The following MLH3 variants were observed in gnomAD, a reference collection of about 807,000 sequenced individuals.
MLH3 encodes the protein mutL homolog 3, also known as DNA mismatch repair protein Mlh3.
MLH3 carries 82 observed loss-of-function variants against 122.2 expected under a neutral mutation model. The observed-to-expected ratio is 0.67, with a 90% CI of 0.56 to 0.81. MLH3 has a LOEUF of 0.81. MLH3 is among the 30% of genes least tolerant of loss of function. The pLI, the probability that MLH3 is intolerant of heterozygous loss-of-function variation, is 0.00. For missense variants in MLH3, 1,539 were observed against 1,714.5 expected (o/e 0.90, Z 1.81); for synonymous variants, 524 against 599.5 (o/e 0.87, Z 1.84).
rs188956387 is a variant in MLH3 at position 75,018,801 on chromosome 14, C to T, written c.4242+28G>A. 3.7e-6 allele frequency: 6 copies of T among 1,612,700 alleles called. No homozygotes were observed. In the East Asian group the frequency reaches 1.3e-4, roughly 36 times the overall value. On this transcript the variant is annotated intron_variant, in intron 12 of 12. Transcript: ENST00000355774. ...AGAAAGAGAAAATAAACTTTGCTCC[C>T]TCCTGCTCCTGTTAGTCATTAATGT...
Position 75,014,765 on chromosome 14 carries a change from T to C in MLH3, c.*2317A>G, listed in dbSNP as rs1417517785. On this transcript the variant is annotated 3_prime_UTR_variant, in exon 13 of 13. Coordinates refer to ENST00000355774, the MANE Select transcript of MLH3 (RefSeq NM_001040108.2). ...TTCAGCGACCAGAATCTAATAAAGG[T>C]GAATCACCAAGTTTATAAATGAATG... 2 of 191,588 alleles carry C rather than the reference T, an allele frequency of 1.0e-5. No homozygotes were observed. The highest frequency in any genetic ancestry group is 4.6e-5 in the African/African-American group (2 of 43,050). The allele number at this position is 191,588 out of a possible 1,614,324, so 11.9% of individuals were successfully genotyped here.
rs1891182000 is a variant in MLH3 at position 75,033,431 on chromosome 14, G to A, written c.3703C>T (p.Gln1235Ter). The A allele has an allele frequency of 6.2e-7, 1 of 1,613,928 alleles. No individual in the cohort carries two copies. Among genetic ancestry groups the A allele is most frequent in the African/African-American group, 1.3e-5 (1 of 74,890 alleles). The change falls in exon 7 of 13, where the codon CAG (glutamine) becomes TAG (stop). Residue 1235 changes from glutamine (Q) to a stop codon, truncating the protein, a stop_gained. Transcript: ENST00000355774. LOFTEE classifies it high-confidence loss of function. ...HAAHERIRLE[Q>*]LIIDSYEKQQ... The stretch of plus-strand genomic sequence containing the variant: ...AACAGATCCTTACCAATGATAAGCT[G>A]CTCCAGACGTATACGCTCATGGGCA...
intron 2 of MLH3, among the ~76,000 whole-genome samples, chr14:75,044,287 A>G (rs1892068947): frequency 6.6e-6 from 1 of 152,188 alleles, no homozygotes; most frequent in African/African-American, 2.4e-5. Context: ...TGACCCTCAA[A>G]AGTTCATAAA....
chr14:75,024,984 G>A (rs917388177), intron 9 of MLH3, among the ~76,000 whole-genome samples: 17 of 152,184 alleles, frequency 1.1e-4, no homozygotes, highest in African/African-American at 4.1e-4. Context: ...TGGAAGCAGA[G>A]CAAATCTTTG....
Position 75,049,145 on chromosome 14 carries a change from C to A in MLH3, c.511G>T (p.Val171Phe), listed in dbSNP as rs2139604418. 6.2e-7 allele frequency: 1 copy of A among 1,614,160 alleles called. No homozygotes were observed. Among genetic ancestry groups the A allele is most frequent in the Non-Finnish European group, 8.5e-7 (1 of 1,180,010 alleles). ...CMDPRLEFEK[V>F]RQRIEALSLM... Reference sequence around the variant, plus strand: ...GAGAGAGCTTCTATTCTCTGCCTAACCTTCTCAAACTCCAGTCTAGGGTCC... The same window carrying A: ...GAGAGAGCTTCTATTCTCTGCCTAAACTTCTCAAACTCCAGTCTAGGGTCC... The change falls in exon 2 of 13, where the codon GTT (valine) becomes TTT (phenylalanine). Residue 171 changes from valine (V) to phenylalanine (F), a missense_variant. Physicochemically the swap from Val to Phe is conservative, Grantham distance 50. Coordinates refer to ENST00000355774, the MANE Select transcript of MLH3 (RefSeq NM_001040108.2).
At chr14:75,038,258 T>C in intron 6 of MLH3, 82 bp downstream of exon 6, 3 of 961,594 alleles carry the variant, frequency 3.1e-6, no homozygotes, top group East Asian at 2.5e-5. Flanking sequence ...ATTGAAACTA[T>C]ATTATATACC....
rs191103553 is a variant in MLH3 at position 75,020,441 on chromosome 14, C to A, written c.4091-1461G>T. On this transcript the variant is annotated intron_variant, in intron 11 of 12. Coordinates refer to ENST00000355774, the MANE Select transcript of MLH3 (RefSeq NM_001040108.2). ...TGAAGAACTAAGTAAGAGAGCTCAA[C>A]AGTGGCAAAAATGAGGGAGGAGCCA... 3.3e-5 allele frequency among the ~76,000 whole-genome samples: 5 copies of A among 152,200 alleles called. No individual in the cohort carries two copies. In the East Asian group the frequency reaches 5.8e-4, roughly 18 times the overall value.
At chr14:75,034,349 C>G (rs1891248178) in intron 6 of MLH3, among the ~76,000 whole-genome samples, 1 of 152,142 alleles carries the variant, frequency 6.6e-6, no homozygotes. Context: ...CCTTGGTGTA[C>G]AAGCTACTTG....
In MLH3 at chr14:75,046,980, C is replaced by G. The variant is rs755592568; in HGVS notation, c.2676G>C (p.Met892Ile). The change falls in exon 2 of 13, where the codon ATG becomes ATC. Residue 892 changes from methionine (M) to isoleucine (I), a missense_variant. Physicochemically the swap from Met to Ile is conservative, Grantham distance 10. Transcript: ENST00000355774. ...GSERETQTMG[M>I]MSRFNELPNS... ...TTGGAAGTTCATTAAAACGACTCAT[C>G]ATCCCCATTGTTTGAGTTTCTCTTT... is the stretch of plus-strand genomic sequence containing the variant. 2 of 1,614,206 alleles carry G rather than the reference C, an allele frequency of 1.2e-6. No homozygotes were observed. The highest frequency in any genetic ancestry group is 1.7e-5 in the Admixed American group (1 of 60,026).
At chr14:75,038,466 T>A (rs1208046016) in intron 5 of MLH3, 54 bp from the exon 6 acceptor site, 5 of 1,109,842 alleles carry the variant, frequency 4.5e-6, no homozygotes, top group Non-Finnish European at 6.9e-6. Context: ...AACAAAGGCT[T>A]ATTTGCATAG....
At position 75,033,446 on chromosome 14, in the gene MLH3, G is replaced by A. The variant is rs746431837; in HGVS notation, c.3688C>T (p.Arg1230Cys). The stretch of plus-strand genomic sequence containing the variant: ...ATGATAAGCTGCTCCAGACGTATAC[G>A]CTCATGGGCAGCGTGCTGATCCACC... The part of the protein sequence containing the change: ...VLVDQHAAHE[R>C]IRLEQLIIDS... Residue 1230 changes from arginine to cysteine, a missense_variant, in exon 7 of 13, where the codon CGT becomes TGT. Transcript: ENST00000355774. The A allele has an allele frequency of 1.2e-5, 20 of 1,613,918 alleles. No individual in the cohort carries two copies. The highest frequency in any genetic ancestry group is 4.5e-5 in the East Asian group (2 of 44,896).
rs778936478 is a variant in MLH3 at position 75,047,175 on chromosome 14, T to A, written c.2481A>T (p.Ser827=). The part of the protein sequence containing the change: ...SCQPASHILN[S]EKFPFSKDED... The stretch of plus-strand genomic sequence containing the variant: ...CATCCTTGGAGAATGGAAACTTCTC[T>A]GAGTTAAGGATGTGGCTTGCTGGTT... Residue 827 remains serine (S), a synonymous_variant, in exon 2 of 13, where the codon TCA becomes TCT. Coordinates refer to ENST00000355774, the MANE Select transcript of MLH3 (RefSeq NM_001040108.2). 1 of 1,614,176 alleles carries A rather than the reference T, an allele frequency of 6.2e-7. No homozygotes were observed. The highest frequency in any genetic ancestry group is 1.1e-5 in the South Asian group (1 of 91,080).
intron 5 of MLH3, 23 bp downstream of exon 5, chr14:75,039,888 A>ATATAT: frequency 1.6e-6 from 1 of 624,704 alleles, no homozygotes. Context: ...TATATTTATG[A>ATATAT]GATTTTGAAG....
rs188776582 is a variant in MLH3, at chr14:75,019,217, C to T, written c.4091-237G>A. 3 of 468,218 alleles carry T rather than the reference C, an allele frequency of 6.4e-6. No individual in the cohort carries two copies. In the Admixed American group the frequency reaches 1.0e-4, roughly 16 times the overall value. 29.0% of individuals were successfully genotyped at this position (468,218 alleles called of 1,614,324 possible). On this transcript the variant is annotated intron_variant, in intron 11 of 12. Transcript: ENST00000355774. ...ATGAGGTCAGGAGTTCAAGACCAGC[C>T]TGGCCAATATGGTGAAATCCCGCCT...
At chr14:75,017,656 A>G (rs1277660518) in intron 12 of MLH3, among the ~76,000 whole-genome samples, 1 of 152,216 alleles carries the variant, frequency 6.6e-6, no homozygotes, top group East Asian at 1.9e-4. Context: ...TGTTTTAAGG[A>G]TCCAAGGGGA....
chr14:75,047,932 T>C lies in MLH3; in HGVS notation c.1724A>G (p.His575Arg), dbSNP rs141572255. Residue 575 changes from histidine (H) to arginine (R), a missense_variant, in exon 2 of 13, where the codon CAT becomes CGT. Physicochemically the swap from His to Arg is conservative, Grantham distance 29. Coordinates refer to ENST00000355774, the MANE Select transcript of MLH3 (RefSeq NM_001040108.2). ...LPFATTLWGV[H>R]SAQTEKEKKK... ...TTTCTCTTTCTCTGTCTGAGCACTA[T>C]GTACTCCCCATAATGTTGTTGCAAA... 3.3e-5 allele frequency: 53 copies of C among 1,614,038 alleles called. No homozygotes were observed. The highest frequency in any genetic ancestry group is 8.3e-5 in the Admixed American group (5 of 59,996).
chr14:75,050,825 C>CA (rs1892605816), intron 1 of MLH3: 1 of 152,100 alleles, frequency 6.6e-6, no homozygotes. Flanking sequence ...AACACAAAAA[C>CA]AAAAAACAAA....
intron 2 of MLH3, among the ~76,000 whole-genome samples, chr14:75,045,415 T>C (rs1014167138): frequency 1.3e-5 from 2 of 152,220 alleles, no homozygotes; most frequent in African/African-American, 4.8e-5. Flanking sequence ...CCATATGCAT[T>C]ATAATAAAGT....
chr14:75,019,464 T>C (rs1008483773), intron 11 of MLH3, among the ~76,000 whole-genome samples: 4 of 147,200 alleles, frequency 2.7e-5, no homozygotes, highest in Non-Finnish European at 4.5e-5. Flanking sequence ...CTTATGACCA[T>C]GGATGAAACT....
Sources: allele counts gnomAD v4.1 joint callset (sites outside exome capture counted in the v4.1 genomes callset), GRCh38; gene constraint gnomAD v4.1.1; transcripts MANE v1.5; gene names NCBI Gene and HGNC (gene_info 2026-07-23, HGNC 2026-07-21).